KIR3DL1: variants seen among roughly 807,000 people sequenced by gnomAD.
KIR3DL1 encodes killer cell immunoglobulin like receptor, three Ig domains and long cytoplasmic tail 1.
Under a neutral mutation model 40.3 loss-of-function variants are expected in KIR3DL1, and 50 were observed. The observed-to-expected ratio is 1.24, with a 90% CI of 0.99 to 1.57. The LOEUF is 1.57. KIR3DL1 is among the 40% of genes most tolerant of loss of function. The pLI is 0.00. For synonymous variants in KIR3DL1, 257 were observed against 207.2 expected (o/e 1.24, Z -2.07); for missense variants, 661 against 559.9 (o/e 1.18, Z -1.82).
chr19:54,822,932 G>A (rs1353454725), intron 5 of KIR3DL1, among the ~76,000 whole-genome samples: 1 of 147,732 alleles, frequency 6.8e-6, no homozygotes, highest in Non-Finnish European at 1.5e-5. Flanking sequence ...GAACAGTGCT[G>A]GAACAGTCAT....
chr19:54,821,594 C>G (rs1448893635), exon 5 of KIR3DL1: 2 of 1,607,842 alleles, frequency 1.2e-6, no homozygotes, highest in Non-Finnish European at 1.7e-6. Context: ...TCTCTCAGCC[C>G]AGCCGGGCCC....
Position 54,822,526 on chromosome 19 carries a change from G to A in KIR3DL1, c.949+668G>A, listed in dbSNP as rs540983160. On this transcript the variant is annotated intron_variant, in intron 5 of 8. Transcript: ENST00000391728. The stretch of plus-strand genomic sequence containing the variant: ...ACCTGTAGTCCTAGCTACTTGGGAG[G>A]CTGAGGCAGGAGAAGCACTTAAACC... Among the ~76,000 whole-genome samples, 86 of 150,212 alleles carry A rather than the reference G, an allele frequency of 5.7e-4. 8 individuals carry two copies. In the Middle Eastern group the frequency reaches 0.014, roughly 24 times the overall value.
chr19:54,817,250 A>G (rs1383975271), intron 1 of KIR3DL1, among the ~76,000 whole-genome samples: 5 of 145,170 alleles, frequency 3.4e-5, no homozygotes, highest in Admixed American at 6.8e-5. Flanking sequence ...CCTGGAGTGG[A>G]CTTACCAGCC....
rs150451018 is a variant in KIR3DL1 at position 54,821,452 on chromosome 19, G to A, written c.656-113G>A. ...AAGAGAGATGGGGTGGAGGGTGAGA[G>A]AGAGAGAGAGAGCATTAGGTCATAG... On this transcript the variant is annotated intron_variant, in intron 4 of 8. Coordinates refer to ENST00000391728, the Ensembl canonical transcript of KIR3DL1. 4.3e-3 allele frequency: 5,636 copies of A among 1,302,026 alleles called. 338 individuals are homozygous for A. The African/African-American group carries it at 0.074, about 17-fold the overall frequency. The allele number at this position is 1,302,026 out of a possible 1,614,324, so 80.7% of individuals were successfully genotyped here.
chr19:54,827,294 A>T (rs1240512796), intron 6 of KIR3DL1, among the ~76,000 whole-genome samples: 1 of 151,344 alleles, frequency 6.6e-6, no homozygotes, highest in African/African-American at 2.5e-5. Context: ...GGGACCTATT[A>T]TAGCATAGTA....
exon 1 of KIR3DL1, chr19:54,816,534 G>A: frequency 6.2e-7 from 1 of 1,608,440 alleles, no homozygotes; most frequent in Admixed American, 1.7e-5. Flanking sequence ...GGCGTGTGTT[G>A]GTGAGTCCTG....
chr19:54,818,935 G>C (rs1235075638), intron 3 of KIR3DL1, among the ~76,000 whole-genome samples: 1 of 150,516 alleles, frequency 6.6e-6, no homozygotes, highest in Admixed American at 6.6e-5. Flanking sequence ...CACATGAGAG[G>C]TGGAGGAAGA....
At chr19:54,818,509 C>T (rs2061468153) in exon 3 of KIR3DL1, 8 of 1,611,460 alleles carry the variant, frequency 5.0e-6, no homozygotes, top group African/African-American at 1.4e-5. Flanking sequence ...GACCACAGCA[C>T]ATGCAGGGAA....
Position 54,816,996 on chromosome 19 carries a change from G to T in KIR3DL1, c.34+462G>T, listed in dbSNP as rs1253157442. Among the ~76,000 whole-genome samples the T allele has an allele frequency of 2.1e-5, 3 of 142,992 alleles. No individual in the cohort carries two copies. In the East Asian group the frequency reaches 6.3e-4, roughly 30 times the overall value. 93.8% of individuals were successfully genotyped at this position (142,992 alleles called of 152,430 possible). A position where few individuals can be genotyped will look rare whatever the true frequency, so the allele number is the denominator to read the frequency against. ...GCCTAGAGGTGGAGTTATGGGCCCG[G>T]AGGTGGAGTTAAGGGCATGAAGTGG... On this transcript the variant is annotated intron_variant, in intron 1 of 8. Transcript: ENST00000391728.
intron 4 of KIR3DL1, 31 bp from the exon 5 acceptor site, chr19:54,821,534 T>C (rs200831084): frequency 1.3e-6 from 2 of 1,592,790 alleles, no homozygotes; most frequent in Non-Finnish European, 1.7e-6. Context: ...AGGAAGAACC[T>C]CCCTGAGGAA....
intron 6 of KIR3DL1, among the ~76,000 whole-genome samples, chr19:54,828,475 G>A (rs964140445): frequency 2.0e-5 from 3 of 151,172 alleles, no homozygotes; most frequent in Non-Finnish European, 4.4e-5. Context: ...GATAAGCAGC[G>A]AGTGACAACA....
intron 6 of KIR3DL1, among the ~76,000 whole-genome samples, chr19:54,826,189 T>C (rs2061879305): frequency 6.6e-6 from 1 of 150,388 alleles, no homozygotes; most frequent in Non-Finnish European, 1.5e-5. Flanking sequence ...AAGATGCATT[T>C]GGCCTCTGCT....
At chr19:54,819,667 G>A in intron 3 of KIR3DL1, 46 bp from the exon 4 acceptor site, 2 of 1,578,446 alleles carry the variant, frequency 1.3e-6, no homozygotes, top group Non-Finnish European at 8.6e-7. Context: ...CCATGGATGG[G>A]ATGATAAAGA....
chr19:54,822,381 T>G (rs1172816838), intron 5 of KIR3DL1, among the ~76,000 whole-genome samples: 10 of 151,252 alleles, frequency 6.6e-5, no homozygotes, highest in African/African-American at 2.4e-4. Flanking sequence ...TCTCGGCGCT[T>G]TGAGAGGCCA....
intron 5 of KIR3DL1, among the ~76,000 whole-genome samples, chr19:54,823,958 A>T (rs1334705089): frequency 2.0e-5 from 3 of 150,920 alleles, no homozygotes; most frequent in Non-Finnish European, 2.9e-5. Flanking sequence ...AAATTGTTTT[A>T]TTGAGTTGTT....
At chr19:54,821,148 G>T (rs2061612217) in intron 4 of KIR3DL1, among the ~76,000 whole-genome samples, 1 of 150,134 alleles carries the variant, frequency 6.7e-6, no homozygotes, top group Non-Finnish European at 1.5e-5. Context: ...TAGACAGACA[G>T]ACAATTGATA....
exon 9 of KIR3DL1, chr19:54,830,400 G>T (rs1408024255): frequency 1.7e-6 from 2 of 1,148,266 alleles, no homozygotes; most frequent in African/African-American, 1.5e-5. Context: ...TTAGGGCATC[G>T]CTCCTCCTCA....
rs185372370 is a variant in KIR3DL1 at position 54,830,703 on chromosome 19, T to G, written c.*428T>G. The G allele has an allele frequency of 4.4e-4, 94 of 213,858 alleles. 16 individuals are homozygous for G. The highest frequency in any genetic ancestry group is 3.0e-3 in the Admixed American group (51 of 17,170). 13.2% of individuals were successfully genotyped at this position (213,858 alleles called of 1,614,324 possible). ...CTTCGGACTATTTTCCAGCCTTCTG[T>G]CAGCAGTGAAACTTATAAAATTTTT... is the stretch of plus-strand genomic sequence containing the variant. On this transcript the variant is annotated 3_prime_UTR_variant, in exon 9 of 9. Coordinates refer to ENST00000391728, the Ensembl canonical transcript of KIR3DL1.
intron 5 of KIR3DL1, among the ~76,000 whole-genome samples, chr19:54,822,508 G>C (rs184309358): frequency 6.7e-6 from 1 of 149,296 alleles, no homozygotes. Context: ...TGCACCTGTA[G>C]TCCTAGCTAC....
Sources: gnomAD v4.1 joint callset for allele counts (sites outside exome capture counted in the v4.1 genomes callset) on GRCh38, gnomAD v4.1.1 for gene constraint, MANE v1.5 for transcripts, NCBI Gene and HGNC (gene_info 2026-07-23, HGNC 2026-07-21) for gene names.